FRAS1: variants seen among roughly 807,000 people sequenced by gnomAD.
FRAS1 encodes the protein extracellular matrix organizing protein FRAS1.
A neutral mutation model predicts 435.2 loss-of-function variants in FRAS1; 290 were observed. The observed-to-expected ratio is 0.67, with a 90% CI of 0.61 to 0.73. The LOEUF is 0.73. FRAS1 is among the 30% of genes least tolerant of loss of function. The pLI is 0.00. For synonymous variants in FRAS1, 1,800 were observed against 1,851.0 expected, an observed-to-expected ratio of 0.97 and a Z score of 0.71; for missense variants, 4,860 against 5,001.5, an observed-to-expected ratio of 0.97 and a Z score of 0.85.
intron 18 of FRAS1, among the ~76,000 whole-genome samples, chr4:78,327,919 A>G (rs1729783122): frequency 6.6e-6 from 1 of 152,202 alleles, no homozygotes; most frequent in South Asian, 2.1e-4. Context: ...GCAGAAACAG[A>G]GCATTATAGA....
chr4:78,095,959 C>G (rs754400970), intron 2 of FRAS1, among the ~76,000 whole-genome samples: 7 of 152,212 alleles, frequency 4.6e-5, no homozygotes, highest in Non-Finnish European at 8.8e-5. Context: ...CTCATTCCAA[C>G]ATTAACCCAA....
At chr4:78,445,914 TTC>T (rs1275112672) in intron 42 of FRAS1, 1 of 1,328,524 alleles carries the variant, frequency 7.5e-7, no homozygotes, top group African/African-American at 1.5e-5. Context: ...AAATCTAAAT[TTC>T]CATTTCAGGA....
intron 2 of FRAS1, among the ~76,000 whole-genome samples, chr4:78,210,993 A>G (rs1366201331): frequency 1.3e-5 from 2 of 152,182 alleles, no homozygotes; most frequent in African/African-American, 4.8e-5. Context: ...TGGTGCGCGT[A>G]TGGTGTTGGA....
intron 69 of FRAS1, among the ~76,000 whole-genome samples, chr4:78,523,626 G>T (rs1377083671): frequency 6.6e-6 from 1 of 152,132 alleles, no homozygotes; most frequent in Admixed American, 6.5e-5. Flanking sequence ...ATTGTCTTGA[G>T]AATCATTTTC....
intron 53 of FRAS1, among the ~76,000 whole-genome samples, chr4:78,474,331 T>A (rs1026854082): frequency 8.5e-5 from 13 of 152,202 alleles, no homozygotes; most frequent in African/African-American, 3.1e-4. Context: ...TTATAATTTA[T>A]GTGGGGGAAA....
intron 58 of FRAS1, among the ~76,000 whole-genome samples, chr4:78,486,790 CAGA>C (rs1720181445): frequency 6.6e-6 from 1 of 150,562 alleles, no homozygotes; most frequent in African/African-American, 2.4e-5. Context: ...GGCAGGCAAT[CAGA>C]AGATGTGTCC....
chr4:78,408,483 A>C (rs550251200), intron 31 of FRAS1, among the ~76,000 whole-genome samples: 1 of 152,276 alleles, frequency 6.6e-6, no homozygotes, highest in Non-Finnish European at 1.5e-5. Context: ...AAAATACTAT[A>C]TGGAGAAAAA....
chr4:78,450,596 A>G, intron 45 of FRAS1: 2 of 446,942 alleles, frequency 4.5e-6, no homozygotes, highest in Non-Finnish European at 8.0e-6. Context: ...AGAAAAAGTT[A>G]TTTTGACTTG....
At chr4:78,307,362 C>G (rs1728798465) in intron 14 of FRAS1, among the ~76,000 whole-genome samples, 1 of 152,240 alleles carries the variant, frequency 6.6e-6, no homozygotes, top group Admixed American at 6.5e-5. Context: ...TAGAGGCAGG[C>G]AGGCCTCCTT....
At chr4:78,381,637 C>T (rs1046247336) in intron 27 of FRAS1, among the ~76,000 whole-genome samples, 2 of 152,200 alleles carry the variant, frequency 1.3e-5, no homozygotes, top group Non-Finnish European at 2.9e-5. Flanking sequence ...CAGAGCTATA[C>T]AACTCTGTAT....
chr4:78,067,656 CTTTTTT>C (rs10713099), intron 2 of FRAS1, among the ~76,000 whole-genome samples: 1 of 137,558 alleles, frequency 7.3e-6, no homozygotes, highest in Non-Finnish European at 1.6e-5. Context: ...GTTTCTTTTT[CTTTTTT>C]TTTCTTTCTT....
At chr4:78,156,320 C>T (rs1204998550) in intron 2 of FRAS1, among the ~76,000 whole-genome samples, 1 of 150,532 alleles carries the variant, frequency 6.6e-6, no homozygotes, top group Admixed American at 6.7e-5. Flanking sequence ...CGAAAGTCCT[C>T]ATTTTTTTTT....
At chr4:78,115,213 C>A (rs1743061830) in intron 2 of FRAS1, among the ~76,000 whole-genome samples, 1 of 151,812 alleles carries the variant, frequency 6.6e-6, no homozygotes, top group African/African-American at 2.4e-5. Context: ...TATTGATGTG[C>A]TGCTGGATTC....
At chr4:78,203,564 T>A (rs1307498403) in intron 2 of FRAS1, among the ~76,000 whole-genome samples, 1 of 149,458 alleles carries the variant, frequency 6.7e-6, no homozygotes, top group South Asian at 2.1e-4. Flanking sequence ...TTATTTTATT[T>A]TTTTATTTTA....
intron 37 of FRAS1, among the ~76,000 whole-genome samples, chr4:78,431,646 A>C (rs1158052227): frequency 6.6e-6 from 1 of 152,198 alleles, no homozygotes; most frequent in Non-Finnish European, 1.5e-5. Flanking sequence ...TCATGGCACT[A>C]AGAGGCATTT....
At chr4:78,115,762 G>C (rs1398663205) in intron 2 of FRAS1, among the ~76,000 whole-genome samples, 1 of 151,014 alleles carries the variant, frequency 6.6e-6, no homozygotes, top group Non-Finnish European at 1.5e-5. Context: ...CAATTTTGTT[G>C]ATCTTTTCAA....
chr4:78,340,217 G>A (rs1578262197), intron 20 of FRAS1, among the ~76,000 whole-genome samples: 3 of 152,238 alleles, frequency 2.0e-5, no homozygotes, highest in South Asian at 2.1e-4. Context: ...AGAAGAGAAG[G>A]TCCTACCAAA....
intron 27 of FRAS1, among the ~76,000 whole-genome samples, chr4:78,382,494 G>A (rs1428465529): frequency 1.3e-5 from 2 of 151,958 alleles, no homozygotes; most frequent in African/African-American, 2.4e-5. Flanking sequence ...AACTATTTTT[G>A]TCTTCCCTTC....
chr4:78,307,279 A>G (rs1479361749), intron 14 of FRAS1, among the ~76,000 whole-genome samples: 11 of 152,244 alleles, frequency 7.2e-5, no homozygotes, highest in Admixed American at 6.5e-4. Flanking sequence ...GCTGTCAGAC[A>G]GGGACATTTA....
Sources: gnomAD v4.1 joint callset for allele counts (sites outside exome capture counted in the v4.1 genomes callset) on GRCh38, gnomAD v4.1.1 for gene constraint, MANE v1.5 for transcripts, NCBI Gene and HGNC (gene_info 2026-07-23, HGNC 2026-07-21) for gene names.